The following VPS4A variants were observed in gnomAD, a reference collection of about 807,000 sequenced individuals.
VPS4A encodes the protein vacuolar protein sorting-associated protein 4A.
A neutral mutation model predicts 52.3 loss-of-function variants in VPS4A; 20 were observed. That is an observed-to-expected ratio of 0.38 (90% confidence interval 0.27 to 0.56). The LOEUF (loss-of-function observed/expected upper bound fraction) is 0.56, where lower values mean the gene tolerates loss of function less well. VPS4A is among the 20% of genes least tolerant of loss of function. VPS4A has a pLI of 0.72. For synonymous variants in VPS4A, 293 were observed against 227.7 expected, an observed-to-expected ratio of 1.29 and a Z score of -2.58; for missense variants, 419 against 575.9, an observed-to-expected ratio of 0.73 and a Z score of 2.79.
Position 69,321,618 on chromosome 16 carries a change from T to G in VPS4A, c.1071+348T>G. 1 of 310,036 alleles carries G rather than the reference T, an allele frequency of 3.2e-6. No homozygotes were observed. The highest frequency in any genetic ancestry group is 6.2e-6 in the Non-Finnish European group (1 of 160,994). The allele number at this position is 310,036 out of a possible 1,614,324, so 19.2% of individuals were successfully genotyped here. ...TATAAAATGACCAGGAAGACCTGTC[T>G]ATTCATTCAGCAGATCTCTGCTGAG... On this transcript the variant is annotated intron_variant, in intron 9 of 10. Coordinates refer to ENST00000254950, the MANE Select transcript of VPS4A (RefSeq NM_013245.3). This position sits in a 1 kb window ranked among gnomAD's most constrained non-coding sequence, Gnocchi z 4.5.
chr16:69,315,941 T>C (rs1965430720), intron 1 of VPS4A, 67 bp from the exon 2 acceptor site: 3 of 1,381,676 alleles, frequency 2.2e-6, no homozygotes, highest in Non-Finnish European at 3.1e-6. Context: ...TTCATCCCCA[T>C]GCCTGTGACC....
rs1965578794 is a variant in VPS4A, at chr16:69,325,435, A to AC, written c.*1127dup. ...GTAATCCCAGCACTTTGGGCCGCTA[A>AC]CATTTAAAAGTCGAGAGTTGCTGGG... On this transcript the variant is annotated 3_prime_UTR_variant, in exon 11 of 11. Coordinates refer to ENST00000254950, the MANE Select transcript of VPS4A (RefSeq NM_013245.3). 6.7e-6 allele frequency: 1 copy of AC among 148,778 alleles called. No homozygotes were observed. Among genetic ancestry groups the AC allele is most frequent in the South Asian group, 2.2e-4 (1 of 4,618 alleles). The allele number at this position is 148,778 out of a possible 1,614,324, so 9.2% of individuals were successfully genotyped here. A position where few individuals can be genotyped will look rare whatever the true frequency, so the allele number is the denominator to read the frequency against.
intron 3 of VPS4A, among the ~76,000 whole-genome samples, chr16:69,317,171 C>T (rs1965447725): frequency 6.6e-6 from 1 of 152,128 alleles, no homozygotes; most frequent in African/African-American, 2.4e-5. Context: ...GGGGTGGAGG[C>T]CAGGGATCTC....
rs879159129 is a variant in VPS4A at position 69,320,216 on chromosome 16, C to T, written c.696C>T (p.Leu232=). Residue 232 remains leucine, a synonymous_variant, in exon 7 of 11, where the codon CTC becomes CTT. Coordinates refer to ENST00000254950, the MANE Select transcript of VPS4A (RefSeq NM_013245.3). The surrounding 1 kb of genome is among the most constrained non-coding windows in gnomAD (Gnocchi z 4.2). ...SIIFIDEVDS[L]CGSRNENESE... is the part of the protein sequence containing the mutation. ...TCTTCATCGATGAGGTGGATTCCCT[C>T]TGCGGGTCCCGAAATGAAAATGAGA... The T allele has an allele frequency of 1.9e-6, 3 of 1,614,020 alleles. No individual in the cohort carries two copies. The highest frequency in any genetic ancestry group is 2.5e-6 in the Non-Finnish European group (3 of 1,179,886).
intron 3 of VPS4A, among the ~76,000 whole-genome samples, chr16:69,317,576 G>A (rs560142615): frequency 8.5e-5 from 13 of 152,264 alleles, no homozygotes; most frequent in African/African-American, 2.2e-4. Context: ...GGCGGATCAC[G>A]AGGTCAGGAG....
Position 69,311,533 on chromosome 16 carries a change from G to A in VPS4A, c.21+1G>A. ...TGAAATGACAACGTCAACCCTCCAG[G>A]TACTTCGTGCGGCCCGGCCCGACTT... On this transcript the variant is annotated splice_donor_variant, in intron 1 of 10. Coordinates refer to ENST00000254950, the MANE Select transcript of VPS4A (RefSeq NM_013245.3). LOFTEE classifies it high-confidence loss of function. 1 of 1,344,092 alleles carries A rather than the reference G, an allele frequency of 7.4e-7. No homozygotes were observed. The highest frequency in any genetic ancestry group is 9.7e-7 in the Non-Finnish European group (1 of 1,034,648). 83.3% of individuals were successfully genotyped at this position (1,344,092 alleles called of 1,614,324 possible). A position where few individuals can be genotyped will look rare whatever the true frequency, so the allele number is the denominator to read the frequency against.
At position 69,319,807 on chromosome 16, in the gene VPS4A, T is replaced by TG. The variant is rs550925021; in HGVS notation, c.620+268dup. Among the ~76,000 whole-genome samples the TG allele has an allele frequency of 2.0e-5, 3 of 152,270 alleles. No homozygotes were observed. In the South Asian group the frequency reaches 6.2e-4, roughly 32 times the overall value. The stretch of plus-strand genomic sequence containing the variant: ...TTGGGGTCTGGGTTGCGGTCCCTGT[T>TG]GGGGCAGTGTGTGGGGGACATGGTT... On this transcript the variant is annotated intron_variant, in intron 6 of 10. Coordinates refer to ENST00000254950, the MANE Select transcript of VPS4A (RefSeq NM_013245.3).
chr16:69,316,520 G>A (rs1478568221), intron 3 of VPS4A, 148 bp downstream of exon 3: 4 of 1,086,584 alleles, frequency 3.7e-6, no homozygotes, highest in Non-Finnish European at 5.3e-6. Context: ...CAGGGAGCAT[G>A]GCCTGGAGCA....
intron 1 of VPS4A, among the ~76,000 whole-genome samples, chr16:69,312,691 C>T (rs1261324086): frequency 6.6e-6 from 1 of 152,190 alleles, no homozygotes; most frequent in East Asian, 1.9e-4. Context: ...TGGCTCACTG[C>T]AGCCTCTGCC....
chr16:69,320,943 C>T lies in VPS4A; in HGVS notation c.852-108C>T. On this transcript the variant is annotated intron_variant, in intron 8 of 10. Coordinates refer to ENST00000254950, the MANE Select transcript of VPS4A (RefSeq NM_013245.3). The surrounding 1 kb of genome is among the most constrained non-coding windows in gnomAD (Gnocchi z 4.2). ...CTTGTTGAGGATGTGCCGCCAGCAT[C>T]ACTGGCCCATGAAATGCGTCCGTTT... 1 of 1,271,308 alleles carries T rather than the reference C, an allele frequency of 7.9e-7. No individual in the cohort carries two copies. Among genetic ancestry groups the T allele is most frequent in the Non-Finnish European group, 1.1e-6 (1 of 903,682 alleles). 78.8% of individuals were successfully genotyped at this position (1,271,308 alleles called of 1,614,324 possible). A position where few individuals can be genotyped will look rare whatever the true frequency, so the allele number is the denominator to read the frequency against.
At chr16:69,314,240 T>C (rs569849774) in intron 1 of VPS4A, among the ~76,000 whole-genome samples, 96 of 152,268 alleles carry the variant, frequency 6.3e-4, no homozygotes, top group Non-Finnish European at 1.1e-3. Context: ...GTGCTGGGAT[T>C]ACAGGCATGA....
chr16:69,317,258 C>T (rs986624721), intron 3 of VPS4A, among the ~76,000 whole-genome samples: 1 of 152,140 alleles, frequency 6.6e-6, no homozygotes, highest in Admixed American at 6.5e-5. Flanking sequence ...ACAGTGGCTG[C>T]GTTCTCCCCA....
At chr16:69,322,267 A>G (rs561728711) in intron 9 of VPS4A, 100 of 249,170 alleles carry the variant, frequency 4.0e-4, no homozygotes, top group Non-Finnish European at 6.9e-4. Flanking sequence ...TCAAGTTGAA[A>G]TGTGGGTGGG....
chr16:69,319,336 C>G (rs1965481495), intron 5 of VPS4A, 51 bp from the exon 6 acceptor site: 1 of 1,604,964 alleles, frequency 6.2e-7, no homozygotes, highest in East Asian at 2.2e-5. Flanking sequence ...TCTGCTTTTC[C>G]TATTCCTTTC....
chr16:69,322,893 C>T (rs1200946139), intron 10 of VPS4A, 193 bp downstream of exon 10: 3 of 495,346 alleles, frequency 6.1e-6, no homozygotes, highest in Non-Finnish European at 9.8e-6. Flanking sequence ...TATGGAGAAA[C>T]CCTGTCTCTA....
intron 5 of VPS4A, 105 bp from the exon 6 acceptor site, chr16:69,319,282 T>G: frequency 6.7e-7 from 1 of 1,498,328 alleles, no homozygotes; most frequent in Non-Finnish European, 9.0e-7. Context: ...GTCCGTTGTT[T>G]CACAGAATGC....
chr16:69,321,546 G>A lies in VPS4A; in HGVS notation c.1071+276G>A, dbSNP rs966145654. On this transcript the variant is annotated intron_variant, in intron 9 of 10. Coordinates refer to ENST00000254950, the MANE Select transcript of VPS4A (RefSeq NM_013245.3). This position sits in a 1 kb window ranked among gnomAD's most constrained non-coding sequence, Gnocchi z 4.5. ...GCGGCCTCCTCCGTCAGCACTGTGT[G>A]CTCTTGTGCGGGGTGGACACCAAAT... is the stretch of plus-strand genomic sequence containing the variant. The A allele has an allele frequency of 2.1e-6, 1 of 485,332 alleles. No homozygotes were observed. Among genetic ancestry groups the A allele is most frequent in the Admixed American group, 3.4e-5 (1 of 29,514 alleles). 30.1% of individuals were successfully genotyped at this position (485,332 alleles called of 1,614,324 possible). A position where few individuals can be genotyped will look rare whatever the true frequency, so the allele number is the denominator to read the frequency against.
intron 5 of VPS4A, 108 bp from the exon 6 acceptor site, chr16:69,319,279 G>T (rs915869882): frequency 2.7e-6 from 4 of 1,487,978 alleles, no homozygotes; most frequent in Non-Finnish European, 2.7e-6. Flanking sequence ...AGAGTCCGTT[G>T]TTTCACAGAA....
At chr16:69,319,947 G>A (rs1433557164) in intron 6 of VPS4A, among the ~76,000 whole-genome samples, 194 bp from the exon 7 acceptor site, 1 of 152,168 alleles carries the variant, frequency 6.6e-6, no homozygotes, top group Non-Finnish European at 1.5e-5. Flanking sequence ...TCTGCGTTTG[G>A]GGCTGACACC....
Sources: allele counts gnomAD v4.1 joint callset (sites outside exome capture counted in the v4.1 genomes callset), GRCh38; gene constraint gnomAD v4.1.1; non-coding constraint Gnocchi (gnomAD v3.1); transcripts MANE v1.5; gene names NCBI Gene and HGNC (gene_info 2026-07-23, HGNC 2026-07-21).